Variants in ZNF618 observed in about 807,000 individuals in gnomAD.
ZNF618 encodes zinc finger protein 618.
Under a neutral mutation model 103.0 loss-of-function variants are expected in ZNF618, and 34 were observed. The observed-to-expected ratio is 0.33, with a 90% confidence interval of 0.25 to 0.44. The LOEUF (loss-of-function observed/expected upper bound fraction) is 0.44. Among genes scored for constraint, ZNF618 ranks in the 20% least tolerant of loss-of-function variants. The pLI, the probability that ZNF618 is intolerant of heterozygous loss-of-function variation, is 1.00. For synonymous variants in ZNF618, 551 were observed against 542.2 expected (o/e 1.02, Z -0.23); for missense variants, 1,059 against 1,295.4 (o/e 0.82, Z 2.80).
At chr9:113,882,389 A>C (rs1334459550) in intron 1 of ZNF618, among the ~76,000 whole-genome samples, 1 of 152,188 alleles carries the variant, frequency 6.6e-6, no homozygotes, top group Non-Finnish European at 1.5e-5. Context: ...TTTTAGGATT[A>C]AATGAAGGGG....
At chr9:113,901,987 C>T (rs866217346) in intron 1 of ZNF618, among the ~76,000 whole-genome samples, 1 of 152,062 alleles carries the variant, frequency 6.6e-6, no homozygotes, top group Non-Finnish European at 1.5e-5. Flanking sequence ...TTTGCATCTG[C>T]ATAAAGGGGT....
At chr9:113,999,427 A>G (rs1326045939) in intron 4 of ZNF618, among the ~76,000 whole-genome samples, 1 of 152,090 alleles carries the variant, frequency 6.6e-6, no homozygotes, top group Non-Finnish European at 1.5e-5. Flanking sequence ...GGTCCCTCCT[A>G]CCAGCACACA....
At chr9:113,936,627 G>C (rs2131962151) in intron 1 of ZNF618, among the ~76,000 whole-genome samples, 1 of 152,290 alleles carries the variant, frequency 6.6e-6, no homozygotes, top group East Asian at 1.9e-4. Flanking sequence ...ACTACAGTAA[G>C]AATAGTACCA....
chr9:114,001,919 T>C (rs145397448), intron 4 of ZNF618, 77 bp from the exon 5 acceptor site: 8 of 1,242,150 alleles, frequency 6.4e-6, no homozygotes, highest in African/African-American at 1.5e-5. Flanking sequence ...GCCACACTTG[T>C]AGGCATCGCC....
At position 114,002,192 on chromosome 9, in the gene ZNF618, TCTC is replaced by T; in HGVS notation, c.511+125_511+127del. On this transcript the variant is annotated intron_variant, in intron 5 of 14. Coordinates refer to ENST00000374126, the MANE Select transcript of ZNF618 (RefSeq NM_001318042.2). ...CCCTGACAGCTCCAGCCTTTCCCAT[TCTC>T]CTCCTACTTTCATCAGTAGGACAGG... 4.5e-6 allele frequency: 4 copies of T among 881,788 alleles called. No homozygotes were observed. The East Asian group carries it at 7.3e-5, about 16-fold the overall frequency. The allele number at this position is 881,788 out of a possible 1,614,324, so 54.6% of individuals were successfully genotyped here. A position where few individuals can be genotyped will look rare whatever the true frequency, so the allele number is the denominator to read the frequency against.
chr9:113,890,587 A>G (rs1037262028), intron 1 of ZNF618, among the ~76,000 whole-genome samples: 3 of 152,220 alleles, frequency 2.0e-5, no homozygotes, highest in African/African-American at 7.2e-5. Flanking sequence ...TTTTTCGTAC[A>G]GCTTCTCACT....
intron 10 of ZNF618, among the ~76,000 whole-genome samples, chr9:114,019,952 T>C (rs963028986): frequency 6.6e-6 from 1 of 152,208 alleles, no homozygotes; most frequent in Non-Finnish European, 1.5e-5. Context: ...TGTTTTATTA[T>C]CTTTTAGAAG....
intron 1 of ZNF618, among the ~76,000 whole-genome samples, chr9:113,962,914 A>G (rs1209652391): frequency 2.0e-5 from 3 of 152,190 alleles, no homozygotes; most frequent in Non-Finnish European, 2.9e-5. Context: ...TGTAATTGCC[A>G]CAAGGGTATA....
intron 1 of ZNF618, among the ~76,000 whole-genome samples, chr9:113,953,775 C>CTGT (rs1193141182): frequency 1.3e-5 from 2 of 152,206 alleles, no homozygotes; most frequent in East Asian, 3.8e-4. Context: ...TATGTAGACA[C>CTGT]ACTCTCTGTG....
chr9:113,998,667 C>T (rs1840867815), intron 4 of ZNF618, among the ~76,000 whole-genome samples: 1 of 152,226 alleles, frequency 6.6e-6, no homozygotes, highest in Admixed American at 6.5e-5. Flanking sequence ...GGGTTCCAAG[C>T]CAAATGTGTT....
chr9:114,032,176 G>A (rs1049897644), intron 11 of ZNF618, among the ~76,000 whole-genome samples: 2 of 152,228 alleles, frequency 1.3e-5, no homozygotes, highest in African/African-American at 2.4e-5. Context: ...TACCCTCCCT[G>A]TCACCAGGGA....
At chr9:113,979,318 C>T (rs1838773054) in intron 2 of ZNF618, among the ~76,000 whole-genome samples, 1 of 152,174 alleles carries the variant, frequency 6.6e-6, no homozygotes, top group South Asian at 2.1e-4. Flanking sequence ...ACCCTGCACC[C>T]TCAAGAGAGA....
At chr9:114,029,973 CTT>C (rs1843863202) in intron 11 of ZNF618, among the ~76,000 whole-genome samples, 1 of 152,206 alleles carries the variant, frequency 6.6e-6, no homozygotes, top group Non-Finnish European at 1.5e-5. Flanking sequence ...CCTGCCGGGA[CTT>C]GTGGGTTGTA....
intron 1 of ZNF618, among the ~76,000 whole-genome samples, chr9:113,908,067 C>T (rs1027025444): frequency 6.6e-6 from 1 of 152,106 alleles, no homozygotes; most frequent in Non-Finnish European, 1.5e-5. Context: ...TTCCATGAAA[C>T]AGTGACACCC....
chr9:114,021,500 A>G (rs1843060286), intron 10 of ZNF618, among the ~76,000 whole-genome samples: 4 of 152,118 alleles, frequency 2.6e-5, no homozygotes, highest in East Asian at 1.9e-4. Flanking sequence ...CAGAATGCCT[A>G]TATTTAATCA....
chr9:113,923,242 T>G (rs988966985), intron 1 of ZNF618, among the ~76,000 whole-genome samples: 3 of 152,314 alleles, frequency 2.0e-5, no homozygotes, highest in East Asian at 3.9e-4. Context: ...AAAGAAATTT[T>G]TTTTGTTTTG....
intron 11 of ZNF618, 98 bp from the exon 12 acceptor site, chr9:114,032,547 C>T: frequency 9.1e-7 from 1 of 1,103,464 alleles, no homozygotes; most frequent in Non-Finnish European, 1.4e-6. Context: ...CTAGTTGGCC[C>T]AGCAGAGTCC....
chr9:113,901,912 G>A (rs547641966), intron 1 of ZNF618, among the ~76,000 whole-genome samples: 2 of 151,978 alleles, frequency 1.3e-5, no homozygotes, highest in Non-Finnish European at 2.9e-5. Flanking sequence ...GTGTCGCAGT[G>A]GGGGGGACAT....
intron 4 of ZNF618, among the ~76,000 whole-genome samples, chr9:114,000,889 TC>T (rs1411503825): frequency 6.6e-6 from 1 of 152,218 alleles, no homozygotes; most frequent in East Asian, 1.9e-4. Flanking sequence ...GGTCTGCCTC[TC>T]CCATCCCCAG....
Sources: allele counts gnomAD v4.1 joint callset (sites outside exome capture counted in the v4.1 genomes callset), GRCh38; gene constraint gnomAD v4.1.1; transcripts MANE v1.5; gene names NCBI Gene and HGNC (gene_info 2026-07-23, HGNC 2026-07-21).